TBC1D22A: variants seen among roughly 807,000 people sequenced by gnomAD.
The protein encoded by TBC1D22A is TBC1 domain family member 22A.
TBC1D22A carries 38 observed loss-of-function variants against 60.2 expected under a neutral mutation model. The observed-to-expected ratio is 0.63, with a 90% CI of 0.49 to 0.83. The LOEUF is 0.83. TBC1D22A is among the 40% of genes least tolerant of loss of function. The probability of loss-of-function intolerance (pLI) is 0.00; values close to 1 mark genes in which losing one functional copy is unlikely to be tolerated. For synonymous variants in TBC1D22A, 302 were observed against 281.7 expected (o/e 1.07, Z -0.72); for missense variants, 628 against 701.0 (o/e 0.90, Z 1.18).
At chr22:47,053,353 T>C (rs2063288898) in intron 11 of TBC1D22A, among the ~76,000 whole-genome samples, 1 of 152,190 alleles carries the variant, frequency 6.6e-6, no homozygotes, top group African/African-American at 2.4e-5. Context: ...AGGCAGAGCC[T>C]GGGGGCTTTG....
At chr22:47,011,018 T>G (rs2061738184) in intron 10 of TBC1D22A, among the ~76,000 whole-genome samples, 1 of 152,198 alleles carries the variant, frequency 6.6e-6, no homozygotes, top group Admixed American at 6.5e-5. Context: ...CTCAGCTCTT[T>G]ATCTGTATCA....
intron 10 of TBC1D22A, among the ~76,000 whole-genome samples, chr22:47,005,111 TCA>T (rs1378885535): frequency 6.6e-6 from 1 of 151,680 alleles, no homozygotes; most frequent in Non-Finnish European, 1.5e-5. Context: ...ACCTTTGTAT[TCA>T]CACACTCTTA....
At chr22:47,153,239 C>T (rs1020289637) in intron 12 of TBC1D22A, among the ~76,000 whole-genome samples, 4 of 152,258 alleles carry the variant, frequency 2.6e-5, no homozygotes, top group Admixed American at 6.5e-5. Flanking sequence ...ATTCCACCCA[C>T]TGCTTCCAAA....
rs2085933151 is a variant in TBC1D22A, at chr22:46,823,834, G to GCCGTGA, written c.637+26217_637+26222dup. On this transcript the variant is annotated intron_variant, in intron 4 of 12. Coordinates refer to ENST00000337137, the MANE Select transcript of TBC1D22A (RefSeq NM_014346.5). The stretch of plus-strand genomic sequence containing the variant: ...TGCCGTCACAGGAGCCGGGAGTGCG[G>GCCGTGA]CCGTGACCAGGACCAGCAGGTGCTG... Among the ~76,000 whole-genome samples the GCCGTGA allele has an allele frequency of 1.3e-5, 2 of 152,312 alleles. 1 individual carries two copies. Among genetic ancestry groups the GCCGTGA allele is most frequent in the East Asian group, 3.9e-4 (2 of 5,178 alleles).
chr22:47,050,348 A>G (rs1317775619), intron 11 of TBC1D22A, among the ~76,000 whole-genome samples: 2 of 152,190 alleles, frequency 1.3e-5, no homozygotes, highest in South Asian at 2.1e-4. Flanking sequence ...GGGCATTTTC[A>G]TTAACCTCGT....
chr22:47,134,482 C>T (rs960172310), intron 12 of TBC1D22A, among the ~76,000 whole-genome samples: 1 of 152,250 alleles, frequency 6.6e-6, no homozygotes, highest in Admixed American at 6.5e-5. Flanking sequence ...ACAGGCCTCA[C>T]TCAGGGCTGG....
At chr22:47,149,282 G>T (rs2067408751) in intron 12 of TBC1D22A, among the ~76,000 whole-genome samples, 1 of 152,206 alleles carries the variant, frequency 6.6e-6, no homozygotes, top group African/African-American at 2.4e-5. Context: ...AGGAATCACG[G>T]ACGCTCACAT....
chr22:47,051,152 G>A (rs865935181), intron 11 of TBC1D22A, among the ~76,000 whole-genome samples: 1 of 152,116 alleles, frequency 6.6e-6, no homozygotes, highest in Non-Finnish European at 1.5e-5. Context: ...GTAGATTGTA[G>A]CAAAGGAGCT....
At chr22:47,017,999 A>G (rs1459272268) in intron 10 of TBC1D22A, among the ~76,000 whole-genome samples, 2 of 152,216 alleles carry the variant, frequency 1.3e-5, no homozygotes, top group Non-Finnish European at 2.9e-5. Flanking sequence ...GCTTATGGAT[A>G]TGGAGGTGGA....
At chr22:46,941,934 T>C (rs376411616) in intron 8 of TBC1D22A, among the ~76,000 whole-genome samples, 3 of 138,504 alleles carry the variant, frequency 2.2e-5, no homozygotes, top group South Asian at 2.3e-4. Context: ...TATGTATGTA[T>C]ACACACACAC....
At chr22:47,082,040 C>T (rs2147567864) in intron 11 of TBC1D22A, among the ~76,000 whole-genome samples, 1 of 152,246 alleles carries the variant, frequency 6.6e-6, no homozygotes, top group African/African-American at 2.4e-5. Context: ...TGCCTGTAGT[C>T]CCAGCTGCTT....
At chr22:46,793,362 G>C in intron 2 of TBC1D22A, 139 bp from the exon 3 acceptor site, 2 of 815,002 alleles carry the variant, frequency 2.5e-6, no homozygotes, top group Non-Finnish European at 3.9e-6. Flanking sequence ...TCTGTGAATT[G>C]TGTTTGCTTT....
chr22:47,172,032 A>T (rs2337242), intron 12 of TBC1D22A, among the ~76,000 whole-genome samples: 24,575 of 83,984 alleles, frequency 0.29, 1,620 homozygotes, highest in East Asian at 0.39. Flanking sequence ...ACTCCCAGTG[A>T]GCCTACCCAG....
chr22:47,082,755 G>A (rs1057488367), intron 11 of TBC1D22A, among the ~76,000 whole-genome samples: 1 of 152,204 alleles, frequency 6.6e-6, no homozygotes, highest in African/African-American at 2.4e-5. Flanking sequence ...ATGTGGCTCA[G>A]CCAGAAGCCC....
chr22:47,050,714 A>G (rs935663297), intron 11 of TBC1D22A, among the ~76,000 whole-genome samples: 1 of 141,290 alleles, frequency 7.1e-6, no homozygotes, highest in Non-Finnish European at 1.5e-5. Context: ...ATTGCAGGCC[A>G]TGGCGGGGGC....
At chr22:46,857,516 A>G (rs757713846) in intron 4 of TBC1D22A, among the ~76,000 whole-genome samples, 11 of 152,194 alleles carry the variant, frequency 7.2e-5, no homozygotes, top group Non-Finnish European at 1.5e-4. Flanking sequence ...TTCACATACC[A>G]TACAGTTCAC....
At position 46,839,548 on chromosome 22, in the gene TBC1D22A, C is replaced by G. The variant is rs565273333; in HGVS notation, c.638-39105C>G. The stretch of plus-strand genomic sequence containing the variant: ...TAAAGTGATCTACACATAGGACAAT[C>G]TCTATCAAAATTCCAATGACATGTT... On this transcript the variant is annotated intron_variant, in intron 4 of 12. Transcript: ENST00000337137. Among the ~76,000 whole-genome samples, 39 of 152,304 alleles carry G rather than the reference C, an allele frequency of 2.6e-4. No homozygotes were observed. In the South Asian group the frequency reaches 7.3e-3, roughly 28 times the overall value.
chr22:46,885,908 AT>A (rs60941179), intron 5 of TBC1D22A, among the ~76,000 whole-genome samples: 591 of 138,728 alleles, frequency 4.3e-3, no homozygotes, highest in Admixed American at 4.7e-3. Context: ...TACTGTTAGA[AT>A]TTTTTTTTTT....
At chr22:47,150,071 TC>T (rs1414435576) in intron 12 of TBC1D22A, among the ~76,000 whole-genome samples, 2 of 152,048 alleles carry the variant, frequency 1.3e-5, no homozygotes, top group African/African-American at 4.8e-5. Flanking sequence ...GTCTTACTGT[TC>T]CTGTCTATAA....
Sources: allele counts gnomAD v4.1 joint callset (sites outside exome capture counted in the v4.1 genomes callset), GRCh38; gene constraint gnomAD v4.1.1; transcripts MANE v1.5; gene names NCBI Gene and HGNC (gene_info 2026-07-23, HGNC 2026-07-21).